Variants in TRIM2 observed in about 807,000 individuals in gnomAD.
TRIM2 encodes the protein tripartite motif containing 2.
Under a neutral mutation model 75.2 loss-of-function variants are expected in TRIM2, and 20 were observed. That is an observed-to-expected ratio of 0.27 (90% CI 0.19 to 0.39). The LOEUF is 0.39. Ranked by LOEUF, TRIM2 falls within the 10% of genes least tolerant of loss-of-function variation. The pLI, the probability that TRIM2 is intolerant of heterozygous loss-of-function variation, is 1.00. For missense variants in TRIM2, 660 were observed against 990.8 expected (o/e 0.67, Z 4.48); for synonymous variants, 373 against 388.3 (o/e 0.96, Z 0.46).
intron 1 of TRIM2, among the ~76,000 whole-genome samples, chr4:153,187,528 A>G (rs1313016137): frequency 1.3e-5 from 2 of 152,220 alleles, no homozygotes; most frequent in Non-Finnish European, 2.9e-5. Context: ...AGAGGAGTGC[A>G]GGAATGGATA....
rs28775019 is a variant in TRIM2, at chr4:153,287,934, C to T, written c.454-5048C>T. 4.0e-3 allele frequency among the ~76,000 whole-genome samples: 611 copies of T among 152,178 alleles called. 4 individuals are homozygous for T. Among genetic ancestry groups the T allele is most frequent in the African/African-American group, 0.012 (511 of 41,518 alleles). On this transcript the variant is annotated intron_variant, in intron 3 of 11. Transcript: ENST00000338700. Reference sequence around the variant, plus strand: ...CAAATCAGGTCAGCTTGCAGGAATCCCTTTGGCATGACTTGTAGGGAAGGT... The same window carrying T: ...CAAATCAGGTCAGCTTGCAGGAATCTCTTTGGCATGACTTGTAGGGAAGGT...
intron 9 of TRIM2, among the ~76,000 whole-genome samples, chr4:153,323,530 G>C (rs890706407): frequency 2.6e-5 from 4 of 152,148 alleles, no homozygotes; most frequent in African/African-American, 7.2e-5. Context: ...CACCCAGGCT[G>C]GAGTGCAGTG....
At chr4:153,287,180 A>C (rs6831269) in intron 3 of TRIM2, among the ~76,000 whole-genome samples, 6,437 of 151,970 alleles carry the variant, frequency 0.042, 424 homozygotes, top group African/African-American at 0.15. Flanking sequence ...GTCTCTCACT[A>C]TGTTTTTCAA....
chr4:153,213,876 C>G (rs1737752251), intron 1 of TRIM2, among the ~76,000 whole-genome samples: 1 of 152,114 alleles, frequency 6.6e-6, no homozygotes, highest in Non-Finnish European at 1.5e-5. Flanking sequence ...AACAAACCTA[C>G]TATTATTACC....
At chr4:153,211,048 C>T (rs905636115) in intron 1 of TRIM2, among the ~76,000 whole-genome samples, 3 of 152,144 alleles carry the variant, frequency 2.0e-5, no homozygotes, top group African/African-American at 4.8e-5. Flanking sequence ...TCATCACTGT[C>T]CAGGGGCATT....
At chr4:153,293,927 G>T (rs906407841) in intron 4 of TRIM2, among the ~76,000 whole-genome samples, 1 of 152,178 alleles carries the variant, frequency 6.6e-6, no homozygotes, top group Admixed American at 6.5e-5. Flanking sequence ...GGGAGGCAGG[G>T]CGGGGAGAGC....
At chr4:153,197,003 C>CA (rs1438270243) in intron 1 of TRIM2, among the ~76,000 whole-genome samples, 3 of 151,856 alleles carry the variant, frequency 2.0e-5, no homozygotes, top group African/African-American at 7.3e-5. Context: ...GCAGACCGAG[C>CA]AAAAAAATGT....
intron 1 of TRIM2, among the ~76,000 whole-genome samples, chr4:153,179,302 A>T (rs954292450): frequency 6.7e-6 from 1 of 148,654 alleles, no homozygotes; most frequent in South Asian, 2.1e-4. Flanking sequence ...ACTTAAATTT[A>T]TGTTAAAATA....
intron 10 of TRIM2, among the ~76,000 whole-genome samples, chr4:153,327,665 T>G (rs1198611547): frequency 2.0e-5 from 3 of 152,166 alleles, no homozygotes; most frequent in Admixed American, 6.5e-5. Context: ...AACATTTACT[T>G]TTTTCAAAAT....
In TRIM2 at chr4:153,277,431, TG is replaced by T. The variant is rs1301182536; in HGVS notation, c.453+1302del. ...CTGCTTGCCATCAGCTGTGTATTTG[TG>T]TACTTATTAGTCCTGGCTTTCCCTC... On this transcript the variant is annotated intron_variant, in intron 3 of 11. Coordinates refer to ENST00000338700, the MANE Select transcript of TRIM2 (RefSeq NM_015271.5). Among the ~76,000 whole-genome samples, 3 of 152,250 alleles carry T rather than the reference TG, an allele frequency of 2.0e-5. No individual in the cohort carries two copies. The East Asian group carries it at 5.8e-4, about 29-fold the overall frequency.
chr4:153,265,294 G>C (rs1262927785), intron 1 of TRIM2, among the ~76,000 whole-genome samples: 2 of 151,354 alleles, frequency 1.3e-5, no homozygotes, highest in Non-Finnish European at 2.9e-5. Context: ...ATTTTTAACT[G>C]ATTTCGACGG....
chr4:153,262,926 C>T (rs115129166), intron 1 of TRIM2, among the ~76,000 whole-genome samples: 1,908 of 152,266 alleles, frequency 0.013, 7 homozygotes, highest in African/African-American at 0.016. Flanking sequence ...TTTGTGAAGG[C>T]GCTTTCATGT....
At chr4:153,156,748 A>G (rs1188734639) in intron 1 of TRIM2, 6 of 152,224 alleles carry the variant, frequency 3.9e-5, no homozygotes, top group Non-Finnish European at 1.5e-5. Flanking sequence ...GGAGTATAGT[A>G]TGTCTCCATC....
chr4:153,286,766 C>G (rs1344377752), intron 3 of TRIM2, among the ~76,000 whole-genome samples: 1 of 148,516 alleles, frequency 6.7e-6, no homozygotes, highest in Admixed American at 6.7e-5. Context: ...CCACCCCGCA[C>G]CCCCCCACCA....
At chr4:153,165,899 A>T (rs1396345864) in intron 1 of TRIM2, among the ~76,000 whole-genome samples, 1 of 152,132 alleles carries the variant, frequency 6.6e-6, no homozygotes, top group African/African-American at 2.4e-5. Context: ...GCTCTTTTAA[A>T]TATGGAAATG....
chr4:153,251,405 C>G (rs1166071535), intron 1 of TRIM2, among the ~76,000 whole-genome samples: 1 of 152,216 alleles, frequency 6.6e-6, no homozygotes, highest in African/African-American at 2.4e-5. Flanking sequence ...TACTTCCTCT[C>G]CAGTTGCTCA....
intron 6 of TRIM2, among the ~76,000 whole-genome samples, chr4:153,306,305 T>C (rs562781143): frequency 6.6e-6 from 1 of 152,336 alleles, no homozygotes; most frequent in East Asian, 1.9e-4. Context: ...TGTAAAGGCT[T>C]ACAACAGTGC....
intron 6 of TRIM2, among the ~76,000 whole-genome samples, chr4:153,314,690 G>A (rs1579635594): frequency 1.3e-5 from 2 of 151,980 alleles, no homozygotes; most frequent in South Asian, 4.1e-4. Context: ...CACCCTGCGA[G>A]AATATCTTTT....
intron 3 of TRIM2, among the ~76,000 whole-genome samples, chr4:153,279,126 T>C (rs1217974796): frequency 6.6e-6 from 1 of 152,210 alleles, no homozygotes; most frequent in Non-Finnish European, 1.5e-5. Flanking sequence ...ATTATGAGTT[T>C]ACTGAATTGT....
Sources: allele counts gnomAD v4.1 joint callset (sites outside exome capture counted in the v4.1 genomes callset), GRCh38; gene constraint gnomAD v4.1.1; transcripts MANE v1.5; gene names NCBI Gene and HGNC (gene_info 2026-07-23, HGNC 2026-07-21).